Variants in FAM174B observed in about 807,000 individuals in gnomAD.
The protein encoded by FAM174B is membrane protein FAM174B.
Under a neutral mutation model 10.9 loss-of-function variants are expected in FAM174B, and 12 were observed. The observed-to-expected ratio is 1.10, with a 90% CI of 0.71 to 1.79. FAM174B has a LOEUF of 1.79. Ranked by LOEUF, FAM174B falls within the 40% of genes most tolerant of loss-of-function variation. The pLI is 0.00. For synonymous variants in FAM174B, 132 were observed against 115.8 expected, an observed-to-expected ratio of 1.14 and a Z score of -0.90; for missense variants, 266 against 233.3, an observed-to-expected ratio of 1.14 and a Z score of -0.91.
intron 1 of FAM174B, chr15:92,645,389 C>G (rs966516382): frequency 7.9e-5 from 12 of 152,276 alleles, no homozygotes; most frequent in African/African-American, 2.9e-4. Flanking sequence ...CCAGACAACC[C>G]TGAAGAGCTC....
At chr15:92,654,793 A>AG (rs1474564587) in intron 1 of FAM174B, among the ~76,000 whole-genome samples, 1 of 148,918 alleles carries the variant, frequency 6.7e-6, no homozygotes, top group Non-Finnish European at 1.5e-5. Context: ...GTAGCAAAAA[A>AG]AAAAAAAAGA....
Position 92,617,913 on chromosome 15 carries a change from AC to A in FAM174B, c.*1542del, listed in dbSNP as rs2050690167. ...CCATGCGTGCTGGGCCGGCTGCGCC[AC>A]CCTCACCCAGGGCTTCCCACGGGCT... On this transcript the variant is annotated 3_prime_UTR_variant, in exon 3 of 3. Coordinates refer to ENST00000327355, the MANE Select transcript of FAM174B (RefSeq NM_207446.3). The A allele has an allele frequency of 2.5e-6, 1 of 407,630 alleles. No homozygotes were observed. The highest frequency in any genetic ancestry group is 2.1e-5 in the African/African-American group (1 of 48,482). 25.3% of individuals were successfully genotyped at this position (407,630 alleles called of 1,614,324 possible).
intron 1 of FAM174B, among the ~76,000 whole-genome samples, chr15:92,631,971 G>T (rs1360449464): frequency 2.0e-5 from 3 of 151,392 alleles, no homozygotes; most frequent in Non-Finnish European, 2.9e-5. Flanking sequence ...TGTGATCAGG[G>T]GCAAGTCAGT....
chr15:92,632,062 C>T (rs2050822899), intron 1 of FAM174B, among the ~76,000 whole-genome samples: 1 of 151,944 alleles, frequency 6.6e-6, no homozygotes, highest in Admixed American at 6.5e-5. Flanking sequence ...CTGCACACAG[C>T]AGGCTCTTGG....
In FAM174B at chr15:92,647,399, T is replaced by C. The variant is rs373173687; in HGVS notation, c.344+7917A>G. Reference sequence around the variant, plus strand: ...TCCCCTGTGGGATTGGACGGCTCCTTATCTGCCAAGTAGAATCATTCAAGC... The same window carrying C: ...TCCCCTGTGGGATTGGACGGCTCCTCATCTGCCAAGTAGAATCATTCAAGC... On this transcript the variant is annotated intron_variant, in intron 1 of 2. Coordinates refer to ENST00000327355, the MANE Select transcript of FAM174B (RefSeq NM_207446.3). Among the ~76,000 whole-genome samples, 11 of 152,160 alleles carry C rather than the reference T, an allele frequency of 7.2e-5. No homozygotes were observed. The East Asian group carries it at 1.7e-3, about 24-fold the overall frequency.
At chr15:92,646,739 T>C (rs748054132) in intron 1 of FAM174B, among the ~76,000 whole-genome samples, 1 of 152,216 alleles carries the variant, frequency 6.6e-6, no homozygotes, top group African/African-American at 2.4e-5. Context: ...CACCCACTTA[T>C]CTTAACCCAG....
chr15:92,620,423 G>A (rs369198151), intron 2 of FAM174B, among the ~76,000 whole-genome samples: 7 of 152,130 alleles, frequency 4.6e-5, no homozygotes, highest in Admixed American at 1.3e-4. Flanking sequence ...GTGTGAACCC[G>A]GGAGGCAGAG....
At chr15:92,633,498 T>G (rs28731440) in intron 1 of FAM174B, among the ~76,000 whole-genome samples, 1 of 152,132 alleles carries the variant, frequency 6.6e-6, no homozygotes, top group Non-Finnish European at 1.5e-5. Context: ...CTGTAAAGTC[T>G]GATGATACCC....
intron 1 of FAM174B, among the ~76,000 whole-genome samples, chr15:92,636,037 C>CAG (rs1567046934): frequency 1.3e-5 from 2 of 152,266 alleles, no homozygotes; most frequent in African/African-American, 4.8e-5. Context: ...AGTTCTGCCT[C>CAG]AGAGAGAGAG....
At chr15:92,622,792 T>C (rs775819078) in intron 2 of FAM174B, among the ~76,000 whole-genome samples, 1 of 152,218 alleles carries the variant, frequency 6.6e-6, no homozygotes, top group Non-Finnish European at 1.5e-5. Flanking sequence ...TGGGAAGAAC[T>C]TATTGCCCCT....
chr15:92,637,936 C>G (rs572780823), intron 1 of FAM174B, among the ~76,000 whole-genome samples: 39 of 152,320 alleles, frequency 2.6e-4, no homozygotes, highest in African/African-American at 9.1e-4. Flanking sequence ...CTTGGGTTCG[C>G]AGCCCAGTGC....
intron 1 of FAM174B, among the ~76,000 whole-genome samples, chr15:92,635,110 CTCTT>C (rs1596298831): frequency 1.8e-5 from 2 of 111,304 alleles, no homozygotes; most frequent in African/African-American, 2.7e-5. Context: ...CTCTCTCTCT[CTCTT>C]TCTCTGTCTC....
At chr15:92,628,957 G>T (rs1567043865) in intron 2 of FAM174B, among the ~76,000 whole-genome samples, 1 of 152,102 alleles carries the variant, frequency 6.6e-6, no homozygotes, top group Non-Finnish European at 1.5e-5. Context: ...CCATATTCAT[G>T]GATTGGCAAA....
chr15:92,652,332 G>A (rs942156222), intron 1 of FAM174B, among the ~76,000 whole-genome samples: 6 of 152,196 alleles, frequency 3.9e-5, no homozygotes, highest in South Asian at 4.1e-4. Context: ...AAACAGCACC[G>A]AACTGACCAC....
intron 2 of FAM174B, 27 bp from the exon 3 acceptor site, chr15:92,619,486 A>T (rs2050704344): frequency 6.2e-7 from 1 of 1,611,510 alleles, no homozygotes; most frequent in East Asian, 2.2e-5. Context: ...GACAAGAGTA[A>T]GCCCCTTCTG....
At position 92,618,838 on chromosome 15, in the gene FAM174B, TTTAA is replaced by T; in HGVS notation, c.*614_*617del. 1 of 133,378 alleles carries T rather than the reference TTTAA, an allele frequency of 7.5e-6. No individual in the cohort carries two copies. The highest frequency in any genetic ancestry group is 1.5e-5 in the Non-Finnish European group (1 of 68,100). The allele number at this position is 133,378 out of a possible 1,614,324, so 8.3% of individuals were successfully genotyped here. ...TGATTTCTGCTGAACCTTTTTTTTT[TTTAA>T]AAAAAAAAAAAAAGGAAGAAAGAAA... On this transcript the variant is annotated 3_prime_UTR_variant, in exon 3 of 3. Coordinates refer to ENST00000327355, the MANE Select transcript of FAM174B (RefSeq NM_207446.3).
In FAM174B at chr15:92,618,741, CGT is replaced by C. The variant is rs141792602; in HGVS notation, c.*713_*714del. On this transcript the variant is annotated 3_prime_UTR_variant, in exon 3 of 3. Transcript: ENST00000327355. ...TATCACACACGTGCACACGCACACA[CGT>C]GCACACACACACACACACACACGCA... The C allele has an allele frequency of 8.1e-6, 1 of 123,850 alleles. No homozygotes were observed. The highest frequency in any genetic ancestry group is 3.8e-5 in the African/African-American group (1 of 26,312). The allele number at this position is 123,850 out of a possible 1,614,324, so 7.7% of individuals were successfully genotyped here.
chr15:92,646,046 G>T (rs1042321549), intron 1 of FAM174B, among the ~76,000 whole-genome samples: 1 of 150,198 alleles, frequency 6.7e-6, no homozygotes, highest in East Asian at 2.0e-4. Flanking sequence ...ATGCCCTTCA[G>T]GACAGCCTGA....
chr15:92,626,116 T>TTC (rs2050750666), intron 2 of FAM174B, among the ~76,000 whole-genome samples: 1 of 55,384 alleles, frequency 1.8e-5, no homozygotes, highest in Non-Finnish European at 4.1e-5. Context: ...GTTGCTGGAT[T>TTC]TTTTTTTTTT....
Sources: allele counts gnomAD v4.1 joint callset (sites outside exome capture counted in the v4.1 genomes callset), GRCh38; gene constraint gnomAD v4.1.1; transcripts MANE v1.5; gene names NCBI Gene and HGNC (gene_info 2026-07-23, HGNC 2026-07-21).